The following MDGA2 variants were observed in gnomAD, a reference collection of about 807,000 sequenced individuals.
MDGA2 encodes the protein MAM domain-containing glycosylphosphatidylinositol anchor protein 2.
MDGA2 carries 40 observed loss-of-function variants against 117.8 expected under a neutral mutation model. That is an observed-to-expected ratio of 0.34 (90% CI 0.26 to 0.44). The LOEUF is 0.44. Among genes scored for constraint, MDGA2 ranks in the 20% least tolerant of loss-of-function variants. The probability of loss-of-function intolerance (pLI) is 1.00; values close to 1 mark genes in which losing one functional copy is unlikely to be tolerated. For missense variants in MDGA2, 1,123 were observed against 1,250.6 expected, an observed-to-expected ratio of 0.90 and a Z score of 1.54; for synonymous variants, 452 against 439.0, an observed-to-expected ratio of 1.03 and a Z score of -0.37.
intron 1 of MDGA2, among the ~76,000 whole-genome samples, chr14:47,479,851 A>C (rs1893915882): frequency 6.6e-6 from 1 of 152,086 alleles, no homozygotes; most frequent in South Asian, 2.1e-4. Flanking sequence ...ACAAAACCTC[A>C]GTTATATTTA....
At chr14:47,454,378 A>T (rs910970032) in intron 1 of MDGA2, among the ~76,000 whole-genome samples, 1 of 152,230 alleles carries the variant, frequency 6.6e-6, no homozygotes, top group African/African-American at 2.4e-5. Context: ...GATGTTTTAC[A>T]TTCTGCCTTA....
Position 46,957,492 on chromosome 14 carries a change from A to C in MDGA2, c.1971T>G (p.Phe657Leu), listed in dbSNP as rs1430689578. The C allele has an allele frequency of 1.2e-6, 2 of 1,614,120 alleles. No homozygotes were observed. Reference protein sequence around the residue: ...LGNKLLRTGQFDSQEYTEYAV... With the variant: ...LGNKLLRTGQLDSQEYTEYAV... ...CGTACTCTGTGTATTCCTGAGAGTCAAATTGACCCGTCCGTAATAATTTAT... is the reference window on the plus strand; with the variant it reads ...CGTACTCTGTGTATTCCTGAGAGTCCAATTGACCCGTCCGTAATAATTTAT... The change falls in exon 9 of 17, where the codon TTT becomes TTG. Residue 657 changes from phenylalanine to leucine, a missense_variant. By Grantham distance (22) the Phe-to-Leu change is conservative (BLOSUM62 0). Transcript: ENST00000399232.
At chr14:47,227,390 G>A (rs72680242) in intron 2 of MDGA2, among the ~76,000 whole-genome samples, 16,457 of 152,090 alleles carry the variant, frequency 0.11, 1,218 homozygotes, top group Non-Finnish European at 0.17. Flanking sequence ...TGCAGTGTCA[G>A]GCTGACGCTA....
chr14:47,172,089 G>C (rs1012328140), intron 3 of MDGA2, among the ~76,000 whole-genome samples: 1 of 152,130 alleles, frequency 6.6e-6, no homozygotes, highest in East Asian at 1.9e-4. Context: ...CAGCAAGGCT[G>C]GGGGAGGGGC....
intron 1 of MDGA2, among the ~76,000 whole-genome samples, chr14:47,479,816 T>C (rs146576167): frequency 3.8e-3 from 585 of 152,230 alleles, no homozygotes; most frequent in Non-Finnish European, 5.9e-3. Context: ...CCCTTAGTGA[T>C]GGCATCACCT....
At chr14:47,565,391 G>GT (rs1448760424) in intron 1 of MDGA2, among the ~76,000 whole-genome samples, 1 of 152,140 alleles carries the variant, frequency 6.6e-6, no homozygotes, top group African/African-American at 2.4e-5. Context: ...TTTCTTGTAG[G>GT]TTTTTGAGGG....
chr14:47,643,564 T>C (rs1194242739), intron 1 of MDGA2, among the ~76,000 whole-genome samples: 2 of 152,116 alleles, frequency 1.3e-5, no homozygotes, highest in African/African-American at 4.8e-5. Context: ...ACCTTGCATC[T>C]TTCTATCACC....
At chr14:47,609,210 C>T (rs942941744) in intron 1 of MDGA2, among the ~76,000 whole-genome samples, 28 of 150,820 alleles carry the variant, frequency 1.9e-4, no homozygotes, top group African/African-American at 6.1e-4. Context: ...CCCTCACCTC[C>T]CTCCTACTCG....
intron 1 of MDGA2, among the ~76,000 whole-genome samples, chr14:47,650,665 A>C (rs1301025997): frequency 6.6e-6 from 1 of 152,210 alleles, no homozygotes; most frequent in Non-Finnish European, 1.5e-5. Context: ...GGCCACCTGC[A>C]ACCTTGAACT....
At chr14:47,203,112 T>G (rs1192166997) in intron 3 of MDGA2, among the ~76,000 whole-genome samples, 1 of 151,990 alleles carries the variant, frequency 6.6e-6, no homozygotes, top group Non-Finnish European at 1.5e-5. Flanking sequence ...GAACACCACC[T>G]GGGCACTCTG....
intron 1 of MDGA2, among the ~76,000 whole-genome samples, chr14:47,583,606 GAA>G (rs1896268909): frequency 6.6e-6 from 1 of 151,766 alleles, no homozygotes; most frequent in Non-Finnish European, 1.5e-5. Flanking sequence ...GGAGGATGGA[GAA>G]AATGATAAAT....
At chr14:47,140,408 C>T (rs1355226679) in intron 4 of MDGA2, among the ~76,000 whole-genome samples, 1 of 151,918 alleles carries the variant, frequency 6.6e-6, no homozygotes, top group African/African-American at 2.4e-5. Context: ...AAGTTGGCAT[C>T]ATACTATCTG....
chr14:46,983,662 T>G (rs1886764321), intron 8 of MDGA2, among the ~76,000 whole-genome samples: 1 of 152,168 alleles, frequency 6.6e-6, no homozygotes. Context: ...GACCTGGTTT[T>G]CAGTAATATC....
intron 1 of MDGA2, among the ~76,000 whole-genome samples, chr14:47,661,874 T>C (rs1234473115): frequency 6.7e-6 from 1 of 149,948 alleles, no homozygotes. Flanking sequence ...TAGCTGGGAT[T>C]ACAGGCACCC....
intron 5 of MDGA2, among the ~76,000 whole-genome samples, chr14:47,121,892 A>C (rs1284197913): frequency 6.6e-6 from 1 of 152,052 alleles, no homozygotes; most frequent in Non-Finnish European, 1.5e-5. Flanking sequence ...TCCAGAAATA[A>C]CTTGTCAGTT....
At chr14:47,032,297 A>G (rs1888690315) in intron 8 of MDGA2, among the ~76,000 whole-genome samples, 1 of 152,188 alleles carries the variant, frequency 6.6e-6, no homozygotes, top group Admixed American at 6.5e-5. Context: ...CAAATTAAAA[A>G]AAAATCAGGA....
At chr14:47,356,925 CT>C (rs1891007221) in intron 1 of MDGA2, among the ~76,000 whole-genome samples, 1 of 152,140 alleles carries the variant, frequency 6.6e-6, no homozygotes, top group African/African-American at 2.4e-5. Context: ...AAACAACCCC[CT>C]GCATATTGCA....
At chr14:47,530,778 C>T (rs553573197) in intron 1 of MDGA2, among the ~76,000 whole-genome samples, 7 of 152,156 alleles carry the variant, frequency 4.6e-5, no homozygotes, top group Non-Finnish European at 7.4e-5. Context: ...AATAGTTAGA[C>T]GAATCACATT....
intron 8 of MDGA2, among the ~76,000 whole-genome samples, chr14:46,980,674 A>G (rs1468970518): frequency 2.6e-5 from 4 of 152,192 alleles, no homozygotes; most frequent in Non-Finnish European, 5.9e-5. Context: ...CACAGCCTTC[A>G]GTAACCACCA....
Sources: gnomAD v4.1 joint callset for allele counts (sites outside exome capture counted in the v4.1 genomes callset) on GRCh38, gnomAD v4.1.1 for gene constraint, MANE v1.5 for transcripts, NCBI Gene and HGNC (gene_info 2026-07-23, HGNC 2026-07-21) for gene names.